SNX29: variants seen among roughly 807,000 people sequenced by gnomAD.
SNX29 encodes sorting nexin-29.
Under a neutral mutation model 102.1 loss-of-function variants are expected in SNX29, and 78 were observed. That is an observed-to-expected ratio of 0.76 (90% confidence interval 0.64 to 0.92). The LOEUF is 0.92. Ranked by LOEUF, SNX29 falls within the 40% of genes least tolerant of loss-of-function variation. SNX29 has a pLI of 0.00. For missense variants in SNX29, 1,280 were observed against 1,061.7 expected, an observed-to-expected ratio of 1.21 and a Z score of -2.86; for synonymous variants, 580 against 414.5, an observed-to-expected ratio of 1.40 and a Z score of -4.85.
intron 19 of SNX29, among the ~76,000 whole-genome samples, chr16:12,518,849 A>G (rs1483563276): frequency 1.3e-5 from 2 of 152,222 alleles, no homozygotes; most frequent in Non-Finnish European, 2.9e-5. Flanking sequence ...GCATTCCCAC[A>G]GAGCCGGTAA....
chr16:12,572,774 C>T lies in SNX29; in HGVS notation c.*4145C>T, dbSNP rs769963225. The stretch of plus-strand genomic sequence containing the variant: ...TCAGCTTCTGGGACCCGAGGAAGAC[C>T]CCACCTCACTCCTCCTTCCCCAGTA... On this transcript the variant is annotated 3_prime_UTR_variant, in exon 21 of 21. Coordinates refer to ENST00000566228, the MANE Select transcript of SNX29 (RefSeq NM_032167.5). The T allele has an allele frequency of 7.9e-5, 84 of 1,063,742 alleles. No individual in the cohort carries two copies. Among genetic ancestry groups the T allele is most frequent in the Non-Finnish European group, 9.6e-5 (84 of 878,350 alleles). 65.9% of individuals were successfully genotyped at this position (1,063,742 alleles called of 1,614,324 possible). A position where few individuals can be genotyped will look rare whatever the true frequency, so the allele number is the denominator to read the frequency against.
At chr16:12,057,135 C>T (rs1188426264) in intron 8 of SNX29, among the ~76,000 whole-genome samples, 4 of 152,178 alleles carry the variant, frequency 2.6e-5, no homozygotes, top group African/African-American at 7.2e-5. Flanking sequence ...TTTTAAATCA[C>T]TTTATATGTG....
chr16:12,463,480 G>T (rs1318038874), intron 18 of SNX29, among the ~76,000 whole-genome samples: 2 of 152,158 alleles, frequency 1.3e-5, no homozygotes, highest in Non-Finnish European at 2.9e-5. Flanking sequence ...CTTGTGCAGA[G>T]AAACTCTGCC....
At chr16:12,543,183 C>T (rs200295301) in intron 20 of SNX29, among the ~76,000 whole-genome samples, 3 of 152,166 alleles carry the variant, frequency 2.0e-5, no homozygotes, top group East Asian at 1.9e-4. Context: ...TGTAGAAGTC[C>T]TAGGAAAAAT....
At chr16:12,546,112 T>C (rs915595754) in intron 20 of SNX29, among the ~76,000 whole-genome samples, 1 of 152,126 alleles carries the variant, frequency 6.6e-6, no homozygotes, top group East Asian at 1.9e-4. Flanking sequence ...CTTTGGACAA[T>C]GTATTCTCCC....
chr16:12,305,512 C>T (rs2080311215), intron 15 of SNX29, among the ~76,000 whole-genome samples: 1 of 152,136 alleles, frequency 6.6e-6, no homozygotes, highest in African/African-American at 2.4e-5. Context: ...GAGTGTGGAG[C>T]CATAGGCCAG....
intron 20 of SNX29, among the ~76,000 whole-genome samples, chr16:12,550,419 C>CA (rs1254736313): frequency 6.6e-6 from 1 of 151,756 alleles, no homozygotes; most frequent in Non-Finnish European, 1.5e-5. Flanking sequence ...CCTGTACTCC[C>CA]ACCTACTTGG....
chr16:12,564,470 G>C (rs9938512), intron 20 of SNX29, among the ~76,000 whole-genome samples: 39,651 of 152,076 alleles, frequency 0.26, 5,749 homozygotes, highest in East Asian at 0.44. Context: ...GGAGGTTATG[G>C]ATCTTTCTCC....
chr16:12,221,074 A>C (rs2077463476), intron 14 of SNX29, among the ~76,000 whole-genome samples: 1 of 151,936 alleles, frequency 6.6e-6, no homozygotes, highest in Non-Finnish European at 1.5e-5. Flanking sequence ...AATTGTTTGT[A>C]GTTCTTGCCC....
Position 12,568,594 on chromosome 16 carries a change from A to T in SNX29, c.2407A>T (p.Thr803Ser). 6.2e-7 allele frequency: 1 copy of T among 1,606,014 alleles called. No homozygotes were observed. Among genetic ancestry groups the T allele is most frequent in the South Asian group, 1.1e-5 (1 of 91,070 alleles). ...ACTGTCCCGGGGTCAGCCCCGGGAG[A>T]CCCGCAACGTGGAGCCCCAGAGCGG... Reference protein sequence around the residue: ...PKLSRGQPRETRNVEPQSGDL With the variant: ...PKLSRGQPRESRNVEPQSGDL The change falls in exon 21 of 21, where the codon ACC becomes TCC. Residue 803 changes from threonine (T) to serine (S), a missense_variant. Transcript: ENST00000566228.
At chr16:12,159,428 A>C (rs2055689527) in intron 13 of SNX29, among the ~76,000 whole-genome samples, 1 of 152,226 alleles carries the variant, frequency 6.6e-6, no homozygotes, top group Non-Finnish European at 1.5e-5. Flanking sequence ...CTAGGCTTCA[A>C]CTTCGGATAT....
At chr16:11,980,199 C>G (rs185790851) in intron 1 of SNX29, among the ~76,000 whole-genome samples, 35 of 152,280 alleles carry the variant, frequency 2.3e-4, no homozygotes, top group African/African-American at 8.4e-4. Flanking sequence ...CTGGGAACCA[C>G]TCATCTACTT....
intron 3 of SNX29, among the ~76,000 whole-genome samples, chr16:12,021,921 T>A (rs529602489): frequency 6.6e-6 from 1 of 151,306 alleles, no homozygotes; most frequent in African/African-American, 2.4e-5. Flanking sequence ...ACAAAGCTCA[T>A]GAAAACAAAT....
intron 11 of SNX29, among the ~76,000 whole-genome samples, chr16:12,094,228 A>C (rs765547958): frequency 9.9e-5 from 15 of 152,184 alleles, no homozygotes; most frequent in Non-Finnish European, 1.2e-4. Context: ...TTACCACCTG[A>C]GCTATCGAAG....
chr16:12,413,550 AGAG>A (rs1354561516), intron 18 of SNX29, among the ~76,000 whole-genome samples: 1 of 149,672 alleles, frequency 6.7e-6, no homozygotes, highest in African/African-American at 2.4e-5. Flanking sequence ...GTGTGAACAC[AGAG>A]GAGTGGCTCT....
At chr16:12,369,147 T>C (rs911000605) in intron 16 of SNX29, among the ~76,000 whole-genome samples, 14 of 152,100 alleles carry the variant, frequency 9.2e-5, no homozygotes, top group Admixed American at 2.0e-4. Flanking sequence ...TATCTTTTTT[T>C]TTTTTTGAGA....
At chr16:12,524,056 A>G (rs988629319) in intron 19 of SNX29, among the ~76,000 whole-genome samples, 1 of 151,870 alleles carries the variant, frequency 6.6e-6, no homozygotes, top group Non-Finnish European at 1.5e-5. Flanking sequence ...CTAATTTTGT[A>G]TTTTTAGTAG....
rs1555544500 is a variant in SNX29 at position 12,461,978 on chromosome 16, A to AATAAT, written c.2038-15738_2038-15737insATATA. ...CTCAAAAAAAAAAAAAAAAAAAAAA[A>AATAAT]ATATATATATATATATATATATATA... On this transcript the variant is annotated intron_variant, in intron 18 of 20. Coordinates refer to ENST00000566228, the MANE Select transcript of SNX29 (RefSeq NM_032167.5). Among the ~76,000 whole-genome samples, 94 of 27,358 alleles carry AATAAT rather than the reference A, an allele frequency of 3.4e-3. 2 individuals carry two copies. Among genetic ancestry groups the AATAAT allele is most frequent in the East Asian group, 0.011 (5 of 474 alleles). 17.9% of individuals were successfully genotyped at this position (27,358 alleles called of 152,430 possible). A position where few individuals can be genotyped will look rare whatever the true frequency, so the allele number is the denominator to read the frequency against.
intron 10 of SNX29, among the ~76,000 whole-genome samples, chr16:12,075,656 T>A (rs564469075): frequency 9.2e-5 from 14 of 152,302 alleles, no homozygotes; most frequent in African/African-American, 3.4e-4. Flanking sequence ...GTTCTCAGAT[T>A]TCCAGCTGCG....
Sources: gnomAD v4.1 joint callset for allele counts (sites outside exome capture counted in the v4.1 genomes callset) on GRCh38, gnomAD v4.1.1 for gene constraint, MANE v1.5 for transcripts, NCBI Gene and HGNC (gene_info 2026-07-23, HGNC 2026-07-21) for gene names.